EPHA6: variants seen among roughly 807,000 people sequenced by gnomAD.
The protein encoded by EPHA6 is ephrin type-A receptor 6.
In EPHA6, 50 loss-of-function variants were observed where a neutral mutation model predicts 112.0. That is an observed-to-expected ratio of 0.45 (90% CI 0.36 to 0.56). The LOEUF (loss-of-function observed/expected upper bound fraction) is 0.56. Among genes scored for constraint, EPHA6 ranks in the 20% least tolerant of loss-of-function variants. EPHA6 has a pLI of 0.00. For missense variants in EPHA6, 1,280 were observed against 1,417.4 expected, an observed-to-expected ratio of 0.90 and a Z score of 1.56; for synonymous variants, 529 against 490.7, an observed-to-expected ratio of 1.08 and a Z score of -1.03.
At chr3:97,301,401 A>T (rs2081085192) in intron 5 of EPHA6, among the ~76,000 whole-genome samples, 1 of 152,166 alleles carries the variant, frequency 6.6e-6, no homozygotes, top group Non-Finnish European at 1.5e-5. Flanking sequence ...CATTTAACAA[A>T]CACATAGTTC....
chr3:97,018,484 A>G (rs1355796929), intron 3 of EPHA6, among the ~76,000 whole-genome samples: 1 of 152,172 alleles, frequency 6.6e-6, no homozygotes, highest in Non-Finnish European at 1.5e-5. Flanking sequence ...CTCCAATGAT[A>G]GGTAAGGCCA....
At chr3:97,251,017 C>T (rs2108596778) in intron 5 of EPHA6, among the ~76,000 whole-genome samples, 1 of 151,982 alleles carries the variant, frequency 6.6e-6, no homozygotes, top group Admixed American at 6.5e-5. Context: ...AGGTGCCCAC[C>T]ACCATGCCTA....
At chr3:97,521,255 A>C (rs957947992) in intron 10 of EPHA6, among the ~76,000 whole-genome samples, 3 of 149,240 alleles carry the variant, frequency 2.0e-5, no homozygotes, top group African/African-American at 7.4e-5. Context: ...GAGGTGTCAT[A>C]TTTCTTTGCT....
intron 3 of EPHA6, among the ~76,000 whole-genome samples, chr3:97,069,738 GT>G (rs1249685051): frequency 6.6e-6 from 1 of 152,056 alleles, no homozygotes; most frequent in Non-Finnish European, 1.5e-5. Flanking sequence ...TATCAAAAAT[GT>G]TTTTTAATAA....
intron 14 of EPHA6, among the ~76,000 whole-genome samples, chr3:97,696,135 C>A (rs1287279490): frequency 1.3e-5 from 2 of 152,202 alleles, no homozygotes; most frequent in Non-Finnish European, 2.9e-5. Flanking sequence ...AAATAGAAAA[C>A]AACTTCATTT....
chr3:97,748,831 C>A lies in EPHA6; in HGVS notation c.*130C>A. The A allele has an allele frequency of 1.5e-6, 1 of 653,094 alleles. No individual in the cohort carries two copies. The highest frequency in any genetic ancestry group is 1.8e-5 in the African/African-American group (1 of 55,992). The allele number at this position is 653,094 out of a possible 1,614,324, so 40.5% of individuals were successfully genotyped here. ...CAGTCTTCTGTTCAGACTATAGGCA[C>A]ACACCTTATGTTTATGCTTCCAACC... On this transcript the variant is annotated 3_prime_UTR_variant, in exon 18 of 18. Transcript: ENST00000389672.
At chr3:97,268,225 TTTTCTAATG>T (rs1312820643) in intron 5 of EPHA6, among the ~76,000 whole-genome samples, 4 of 152,190 alleles carry the variant, frequency 2.6e-5, no homozygotes, top group African/African-American at 9.6e-5. Flanking sequence ...AAAAGCTTTC[TTTTCTAATG>T]AAGCAAACTT....
chr3:97,314,532 T>C (rs907872598), intron 5 of EPHA6, among the ~76,000 whole-genome samples: 3 of 151,638 alleles, frequency 2.0e-5, no homozygotes, highest in African/African-American at 7.2e-5. Context: ...GAAATTTACT[T>C]CTTGGTTTAG....
rs531745898 is a variant in EPHA6, at chr3:97,330,955, A to G, written c.1607-74195A>G. 3.3e-5 allele frequency among the ~76,000 whole-genome samples: 5 copies of G among 152,236 alleles called. No homozygotes were observed. The East Asian group carries it at 9.7e-4, about 29-fold the overall frequency. On this transcript the variant is annotated intron_variant, in intron 5 of 17. Transcript: ENST00000389672. Reference sequence around the variant, plus strand: ...CAACAGAATATACATTCTTTTCAGCACCACACCACACCTATTCCAAAATTG... The same window carrying G: ...CAACAGAATATACATTCTTTTCAGCGCCACACCACACCTATTCCAAAATTG...
intron 10 of EPHA6, among the ~76,000 whole-genome samples, chr3:97,500,123 A>G (rs1056677104): frequency 2.0e-5 from 3 of 152,060 alleles, no homozygotes; most frequent in African/African-American, 7.2e-5. Flanking sequence ...ACAAACTAAA[A>G]CACAAACATA....
chr3:97,494,488 G>C (rs938752564), intron 10 of EPHA6, among the ~76,000 whole-genome samples: 3 of 152,020 alleles, frequency 2.0e-5, no homozygotes. Flanking sequence ...ATTTACCTTC[G>C]TGAGCTGTAA....
intron 16 of EPHA6, among the ~76,000 whole-genome samples, chr3:97,739,503 C>T (rs568474595): frequency 5.5e-4 from 83 of 152,028 alleles, no homozygotes; most frequent in Non-Finnish European, 9.9e-4. Flanking sequence ...TTTATACTAA[C>T]ATATTGAAAA....
chr3:97,316,540 A>G (rs761633590), intron 5 of EPHA6, among the ~76,000 whole-genome samples: 2 of 151,932 alleles, frequency 1.3e-5, no homozygotes, highest in African/African-American at 4.8e-5. Flanking sequence ...GCATAGTGTT[A>G]TAATCCATAC....
intron 12 of EPHA6, among the ~76,000 whole-genome samples, chr3:97,597,500 AC>A (rs1422331282): frequency 2.0e-5 from 3 of 152,166 alleles, no homozygotes; most frequent in Admixed American, 1.3e-4. Flanking sequence ...TGAGCCTTAT[AC>A]TCAAATACCA....
chr3:96,967,015 C>T (rs1002834249), intron 2 of EPHA6, among the ~76,000 whole-genome samples: 50 of 151,900 alleles, frequency 3.3e-4, no homozygotes, highest in African/African-American at 1.2e-3. Context: ...AGGAAAATAA[C>T]ATTTTCCTTG....
intron 13 of EPHA6, among the ~76,000 whole-genome samples, chr3:97,614,134 A>T (rs577241652): frequency 1.3e-5 from 2 of 152,156 alleles, no homozygotes; most frequent in South Asian, 2.1e-4. Context: ...TTATACTTTA[A>T]GTTTTAGGGT....
At chr3:97,554,677 C>T (rs891758940) in intron 11 of EPHA6, among the ~76,000 whole-genome samples, 7 of 152,004 alleles carry the variant, frequency 4.6e-5, no homozygotes, top group Non-Finnish European at 7.4e-5. Context: ...TCCGCCCAAC[C>T]TCCAGCCTCA....
intron 6 of EPHA6, among the ~76,000 whole-genome samples, chr3:97,413,796 A>C (rs894525462): frequency 1.3e-5 from 2 of 152,014 alleles, no homozygotes. Flanking sequence ...GAAGGACTAA[A>C]TACCTAAATA....
intron 2 of EPHA6, among the ~76,000 whole-genome samples, chr3:96,896,959 G>A (rs1210751348): frequency 3.3e-5 from 5 of 151,978 alleles, no homozygotes; most frequent in Admixed American, 3.3e-4. Flanking sequence ...TATTATTATA[G>A]TATTTCAGGA....
Sources: gnomAD v4.1 joint callset for allele counts (sites outside exome capture counted in the v4.1 genomes callset) on GRCh38, gnomAD v4.1.1 for gene constraint, MANE v1.5 for transcripts, NCBI Gene and HGNC (gene_info 2026-07-23, HGNC 2026-07-21) for gene names.